The following CAMK1D variants were observed in gnomAD, a reference collection of about 807,000 sequenced individuals.
The protein encoded by CAMK1D is calcium/calmodulin dependent protein kinase ID, also known as calcium/calmodulin-dependent protein kinase type 1D.
A neutral mutation model predicts 47.7 loss-of-function variants in CAMK1D; 9 were observed. The observed-to-expected ratio is 0.19, with a 90% CI of 0.11 to 0.33. CAMK1D has a LOEUF of 0.33. Among genes scored for constraint, CAMK1D ranks in the 10% least tolerant of loss-of-function variants. The probability of loss-of-function intolerance (pLI) is 1.00; values close to 1 mark genes in which losing one functional copy is unlikely to be tolerated. For missense variants in CAMK1D, 291 were observed against 488.7 expected (o/e 0.60, Z 3.81); for synonymous variants, 184 against 184.9 (o/e 0.99, Z 0.04).
intron 5 of CAMK1D, among the ~76,000 whole-genome samples, chr10:12,784,256 A>G (rs1225004201): frequency 6.7e-6 from 1 of 149,460 alleles, no homozygotes; most frequent in African/African-American, 2.5e-5. Context: ...CTGGAGTGCA[A>G]TGGCAGTCTT....
At chr10:12,448,846 G>A (rs1415041664) in intron 1 of CAMK1D, among the ~76,000 whole-genome samples, 2 of 152,152 alleles carry the variant, frequency 1.3e-5, no homozygotes, top group South Asian at 2.1e-4. Context: ...GGGCACGTAC[G>A]GCTGAGTCAT....
At chr10:12,429,200 C>T (rs1375849860) in intron 1 of CAMK1D, among the ~76,000 whole-genome samples, 1 of 152,184 alleles carries the variant, frequency 6.6e-6, no homozygotes, top group Non-Finnish European at 1.5e-5. Flanking sequence ...GGGCCTCACA[C>T]ACGTGCTTTC....
chr10:12,801,354 T>TATATTATCTATCTATCTATC (rs57429397), intron 6 of CAMK1D, among the ~76,000 whole-genome samples: 1 of 66,490 alleles, frequency 1.5e-5, no homozygotes, highest in African/African-American at 5.7e-5. Flanking sequence ...TCTATCTATC[T>TATATTATCTATCTATCTATC]TATCTATCTA....
chr10:12,372,868 C>T (rs977771088), intron 1 of CAMK1D, among the ~76,000 whole-genome samples: 1 of 152,164 alleles, frequency 6.6e-6, no homozygotes, highest in African/African-American at 2.4e-5. Context: ...TGGGCTCAAG[C>T]GATTCCCCTG....
chr10:12,399,599 A>G (rs948851537), intron 1 of CAMK1D, among the ~76,000 whole-genome samples: 27 of 152,324 alleles, frequency 1.8e-4, no homozygotes, highest in African/African-American at 6.0e-4. Context: ...CACCCCTACT[A>G]TGACACCTAA....
chr10:12,469,481 A>C (rs759825554), intron 1 of CAMK1D, among the ~76,000 whole-genome samples: 1 of 152,136 alleles, frequency 6.6e-6, no homozygotes, highest in Non-Finnish European at 1.5e-5. Flanking sequence ...GGACATCTGC[A>C]TCGTATTCTC....
At chr10:12,454,106 A>G (rs1408142115) in intron 1 of CAMK1D, among the ~76,000 whole-genome samples, 5 of 152,096 alleles carry the variant, frequency 3.3e-5, no homozygotes, top group Non-Finnish European at 4.4e-5. Flanking sequence ...TTTATAAGGA[A>G]ATTTCTTACT....
intron 1 of CAMK1D, among the ~76,000 whole-genome samples, chr10:12,382,447 A>G (rs1340711385): frequency 1.3e-5 from 2 of 152,058 alleles, no homozygotes; most frequent in East Asian, 3.8e-4. Flanking sequence ...TGAAATACTC[A>G]GAAATAAAGG....
At chr10:12,498,260 T>C (rs761279360) in intron 1 of CAMK1D, among the ~76,000 whole-genome samples, 4 of 152,196 alleles carry the variant, frequency 2.6e-5, no homozygotes, top group Non-Finnish European at 4.4e-5. Context: ...AGACTTAGTG[T>C]TGAGTGGACC....
chr10:12,745,515 C>T lies in CAMK1D; in HGVS notation c.300-15433C>T, dbSNP rs1299671326. 2.6e-5 allele frequency among the ~76,000 whole-genome samples: 4 copies of T among 152,146 alleles called. No homozygotes were observed. In the East Asian group the frequency reaches 7.7e-4, roughly 29 times the overall value. ...AAGAAAGCATCTCTATCTAAGGTCA[C>T]TTACATGAGTTTTTCAAGTGTTGCT... is the stretch of plus-strand genomic sequence containing the variant. On this transcript the variant is annotated intron_variant, in intron 3 of 10. Transcript: ENST00000619168.
chr10:12,731,555 G>A (rs932793329), intron 3 of CAMK1D, among the ~76,000 whole-genome samples: 2 of 152,236 alleles, frequency 1.3e-5, no homozygotes, highest in Admixed American at 1.3e-4. Context: ...CAGGCACAGA[G>A]GAGGTAAGAG....
chr10:12,811,598 G>T (rs1744036968), intron 6 of CAMK1D, among the ~76,000 whole-genome samples: 1 of 152,106 alleles, frequency 6.6e-6, no homozygotes, highest in Non-Finnish European at 1.5e-5. Context: ...AAAGAAAAAA[G>T]AGCTAAGACC....
intron 6 of CAMK1D, among the ~76,000 whole-genome samples, chr10:12,801,575 A>T (rs1441234619): frequency 6.6e-6 from 1 of 150,634 alleles, no homozygotes; most frequent in Non-Finnish European, 1.5e-5. Flanking sequence ...CAATCCATTC[A>T]TCTTTCTGTT....
chr10:12,824,352 T>C, intron 8 of CAMK1D, 113 bp from the exon 9 acceptor site: 1 of 853,652 alleles, frequency 1.2e-6, no homozygotes, highest in Admixed American at 2.1e-5. Context: ...CCAGCCACCC[T>C]GTCCACGACT....
At chr10:12,752,139 A>G (rs898495135) in intron 3 of CAMK1D, among the ~76,000 whole-genome samples, 2 of 152,028 alleles carry the variant, frequency 1.3e-5, no homozygotes, top group Non-Finnish European at 2.9e-5. Context: ...GCCCGCCATC[A>G]TGCCTGGCTA....
chr10:12,829,108 C>G lies in CAMK1D; in HGVS notation c.*221C>G, dbSNP rs1211164509. 2.0e-6 allele frequency: 1 copy of G among 507,430 alleles called. No individual in the cohort carries two copies. Among genetic ancestry groups the G allele is most frequent in the African/African-American group, 2.0e-5 (1 of 50,500 alleles). 31.4% of individuals were successfully genotyped at this position (507,430 alleles called of 1,614,324 possible). On this transcript the variant is annotated 3_prime_UTR_variant, in exon 11 of 11. Coordinates refer to ENST00000619168, the MANE Select transcript of CAMK1D (RefSeq NM_153498.4). ...TCGAGGGGCGCTGATTTCATAGGAT[C>G]TGGTGCTGTATATACGAATCTTGCA...
At chr10:12,463,773 A>G (rs1164300252) in intron 1 of CAMK1D, among the ~76,000 whole-genome samples, 1 of 152,096 alleles carries the variant, frequency 6.6e-6, no homozygotes, top group Non-Finnish European at 1.5e-5. Flanking sequence ...ATAAATCCCC[A>G]TAATCCGCAG....
intron 1 of CAMK1D, among the ~76,000 whole-genome samples, chr10:12,367,795 C>A (rs1361881092): frequency 6.6e-6 from 1 of 152,108 alleles, no homozygotes; most frequent in Non-Finnish European, 1.5e-5. Flanking sequence ...TGAAGCTTTG[C>A]TTGGTTGCCG....
intron 5 of CAMK1D, among the ~76,000 whole-genome samples, chr10:12,786,713 C>T (rs1837740137): frequency 6.6e-6 from 1 of 152,218 alleles, no homozygotes; most frequent in Non-Finnish European, 1.5e-5. Flanking sequence ...TGAGCCACTA[C>T]ATGTAGCCCA....
Sources: gnomAD v4.1 joint callset for allele counts (sites outside exome capture counted in the v4.1 genomes callset) on GRCh38, gnomAD v4.1.1 for gene constraint, MANE v1.5 for transcripts, NCBI Gene and HGNC (gene_info 2026-07-23, HGNC 2026-07-21) for gene names.